MED13L: variants seen among roughly 807,000 people sequenced by gnomAD.
MED13L encodes the protein mediator complex subunit 13L.
In MED13L, 7 loss-of-function variants were observed where a neutral mutation model predicts 220.9. The ratio of observed to expected loss-of-function variants is 0.03; its 90% CI spans 0.02 to 0.06. The LOEUF is 0.06. MED13L is among the 10% of genes least tolerant of loss of function. The probability of loss-of-function intolerance (pLI) is 1.00; values close to 1 mark genes in which losing one functional copy is unlikely to be tolerated. For synonymous variants in MED13L, 1,011 were observed against 1,015.2 expected (o/e 1.00, Z 0.08); for missense variants, 1,965 against 2,760.5 (o/e 0.71, Z 6.46).
At chr12:116,126,443 G>A (rs746772538) in intron 2 of MED13L, among the ~76,000 whole-genome samples, 7 of 152,150 alleles carry the variant, frequency 4.6e-5, no homozygotes, top group African/African-American at 1.2e-4. Context: ...GGTCCTTGGA[G>A]TACTAGAGTC....
intron 2 of MED13L, among the ~76,000 whole-genome samples, chr12:116,183,691 A>G (rs1406376898): frequency 6.6e-6 from 1 of 152,130 alleles, no homozygotes; most frequent in Admixed American, 6.6e-5. Flanking sequence ...TTTATTTTTA[A>G]AATTTCATAG....
At chr12:116,033,988 C>T (rs543553844) in intron 4 of MED13L, among the ~76,000 whole-genome samples, 14 of 152,082 alleles carry the variant, frequency 9.2e-5, no homozygotes, top group South Asian at 2.1e-4. Context: ...ACTGAACGCT[C>T]TCTGTGAGTG....
At chr12:116,069,723 C>T (rs1273121643) in intron 4 of MED13L, among the ~76,000 whole-genome samples, 3 of 152,166 alleles carry the variant, frequency 2.0e-5, no homozygotes, top group Admixed American at 1.3e-4. Flanking sequence ...CAACATGACA[C>T]CACGAATGAA....
chr12:116,141,349 T>C (rs1276571887), intron 2 of MED13L, among the ~76,000 whole-genome samples: 1 of 152,204 alleles, frequency 6.6e-6, no homozygotes, highest in African/African-American at 2.4e-5. Context: ...AAGTTGATTT[T>C]TTTCATATAT....
At chr12:116,252,814 G>A (rs1871678097) in intron 1 of MED13L, among the ~76,000 whole-genome samples, 2 of 152,018 alleles carry the variant, frequency 1.3e-5, no homozygotes, top group Admixed American at 1.3e-4. Context: ...GAAAAAAAAG[G>A]GGAGGCATTA....
At chr12:115,999,205 G>A (rs1878593204) in intron 14 of MED13L, among the ~76,000 whole-genome samples, 1 of 152,130 alleles carries the variant, frequency 6.6e-6, no homozygotes, top group African/African-American at 2.4e-5. Flanking sequence ...TTGAGGTCAG[G>A]AGTTCGAGAC....
chr12:116,019,168 G>A, intron 7 of MED13L, 56 bp downstream of exon 7: 1 of 1,544,092 alleles, frequency 6.5e-7, no homozygotes, highest in Non-Finnish European at 8.8e-7. Context: ...ATGGCAGGTA[G>A]ACTATACAAT....
In MED13L at chr12:116,236,408, G is replaced by C. The variant is rs570471832; in HGVS notation, c.310+1060C>G. On this transcript the variant is annotated intron_variant, in intron 2 of 30. Coordinates refer to ENST00000281928, the MANE Select transcript of MED13L (RefSeq NM_015335.5). ...AATGGCTGCCAAGAAAAACTAGCAAGGTGTCAAGCAAAAGTTGGCAGGAAA... is the reference window on the plus strand; with the variant it reads ...AATGGCTGCCAAGAAAAACTAGCAACGTGTCAAGCAAAAGTTGGCAGGAAA... Among the ~76,000 whole-genome samples, 296 of 152,004 alleles carry C rather than the reference G, an allele frequency of 1.9e-3. 1 individual carries two copies. The highest frequency in any genetic ancestry group is 6.8e-3 in the African/African-American group (283 of 41,466).
At chr12:116,118,359 T>C (rs1874714330) in intron 2 of MED13L, among the ~76,000 whole-genome samples, 2 of 152,146 alleles carry the variant, frequency 1.3e-5, no homozygotes, top group African/African-American at 4.8e-5. Context: ...ACAAACAAAA[T>C]TTAAATATAA....
chr12:116,267,293 T>A lies in MED13L; in HGVS notation c.72+9767A>T, dbSNP rs1049134353. Among the ~76,000 whole-genome samples the A allele has an allele frequency of 2.6e-5, 4 of 152,274 alleles. No homozygotes were observed. In the South Asian group the frequency reaches 8.3e-4, roughly 32 times the overall value. On this transcript the variant is annotated intron_variant, in intron 1 of 30. Transcript: ENST00000281928. Reference sequence around the variant, plus strand: ...TTAAAAACTAAAAATGAATTTCAAGTTTTTCTTCTCAATCTTGGCTTATTT... The same window carrying A: ...TTAAAAACTAAAAATGAATTTCAAGATTTTCTTCTCAATCTTGGCTTATTT...
At chr12:116,058,778 T>C (rs1474078521) in intron 4 of MED13L, among the ~76,000 whole-genome samples, 1 of 152,172 alleles carries the variant, frequency 6.6e-6, no homozygotes, top group African/African-American at 2.4e-5. Flanking sequence ...GTTTATGGAC[T>C]TCTATATTTA....
intron 23 of MED13L, among the ~76,000 whole-genome samples, chr12:115,977,979 G>A (rs180981461): frequency 8.5e-5 from 13 of 152,176 alleles, no homozygotes; most frequent in Admixed American, 7.2e-4. Flanking sequence ...CTGGGTGACA[G>A]AGCGAGACCT....
intron 2 of MED13L, among the ~76,000 whole-genome samples, chr12:116,178,556 A>G (rs1053683961): frequency 2.6e-5 from 4 of 152,240 alleles, no homozygotes; most frequent in African/African-American, 9.6e-5. Context: ...TATCCAACAT[A>G]CAAACAGAAG....
intron 25 of MED13L, among the ~76,000 whole-genome samples, chr12:115,974,215 C>T (rs1876781901): frequency 6.6e-6 from 1 of 152,160 alleles, no homozygotes; most frequent in Non-Finnish European, 1.5e-5. Flanking sequence ...CAACAGCAAC[C>T]ATCTGGCCTG....
At chr12:116,267,690 C>G (rs1156756076) in intron 1 of MED13L, among the ~76,000 whole-genome samples, 4 of 152,090 alleles carry the variant, frequency 2.6e-5, no homozygotes, top group African/African-American at 9.7e-5. Flanking sequence ...TCATAGAAAA[C>G]AATCTTTTGA....
At chr12:116,100,913 C>T (rs928727449) in intron 3 of MED13L, among the ~76,000 whole-genome samples, 6 of 151,988 alleles carry the variant, frequency 3.9e-5, no homozygotes, top group African/African-American at 1.2e-4. Context: ...GATCCTGTCT[C>T]AAAAACAAAA....
chr12:116,206,760 A>G (rs1228809872), intron 2 of MED13L, among the ~76,000 whole-genome samples: 6 of 152,236 alleles, frequency 3.9e-5, no homozygotes, highest in Non-Finnish European at 8.8e-5. Context: ...CGCTAAAATA[A>G]TCTGCATTCT....
intron 4 of MED13L, among the ~76,000 whole-genome samples, chr12:116,042,341 GCAGGATGC>G (rs1881583425): frequency 1.3e-5 from 2 of 152,224 alleles, no homozygotes; most frequent in South Asian, 4.1e-4. Context: ...GGGATGAGGG[GCAGGATGC>G]CTTTAATGGC....
intron 4 of MED13L, among the ~76,000 whole-genome samples, chr12:116,031,712 A>AGG (rs2137495129): frequency 2.4e-4 from 17 of 71,146 alleles, no homozygotes; most frequent in African/African-American, 9.9e-4. Context: ...AAAGAAAAGA[A>AGG]AAGAAAAGAA....
Sources: allele counts gnomAD v4.1 joint callset (sites outside exome capture counted in the v4.1 genomes callset), GRCh38; gene constraint gnomAD v4.1.1; transcripts MANE v1.5; gene names NCBI Gene and HGNC (gene_info 2026-07-23, HGNC 2026-07-21).